THAP1: variants seen among roughly 807,000 people sequenced by gnomAD.
THAP1 encodes THAP domain-containing protein 1.
In THAP1, 6 loss-of-function variants were observed where a neutral mutation model predicts 18.2. That is an observed-to-expected ratio of 0.33 (90% CI 0.18 to 0.65). THAP1 has a LOEUF of 0.65. Ranked by LOEUF, THAP1 falls within the 30% of genes least tolerant of loss-of-function variation. THAP1 has a pLI of 0.74. For synonymous variants in THAP1, 85 were observed against 90.5 expected (o/e 0.94, Z 0.34); for missense variants, 176 against 253.0 (o/e 0.70, Z 2.06).
Position 42,841,446 on chromosome 8 carries a change from G to A in THAP1, c.71+1578C>T, listed in dbSNP as rs115021200. Among the ~76,000 whole-genome samples, 699 of 151,934 alleles carry A rather than the reference G, an allele frequency of 4.6e-3. 8 individuals carry two copies. Among genetic ancestry groups the A allele is most frequent in the African/African-American group, 0.016 (646 of 41,444 alleles). On this transcript the variant is annotated intron_variant, in intron 1 of 2. Coordinates refer to ENST00000254250, the MANE Select transcript of THAP1 (RefSeq NM_018105.3). ...CTCCCAAGTAGCTAAGATTACAGGCGTACGCCTGTATTTTGTATTTTTAGT... is the reference window on the plus strand; with the variant it reads ...CTCCCAAGTAGCTAAGATTACAGGCATACGCCTGTATTTTGTATTTTTAGT...
intron 1 of THAP1, among the ~76,000 whole-genome samples, chr8:42,839,825 G>T (rs1160120542): frequency 1.3e-5 from 2 of 152,150 alleles, no homozygotes; most frequent in African/African-American, 4.8e-5. Flanking sequence ...AATTACATGC[G>T]TGAGCCACTG....
At chr8:42,839,093 C>T (rs1802668862) in intron 2 of THAP1, 93 bp downstream of exon 2, 2 of 1,381,466 alleles carry the variant, frequency 1.4e-6, no homozygotes, top group Non-Finnish European at 1.0e-6. Flanking sequence ...CACATTTATT[C>T]TCTTAACACT....
intron 1 of THAP1, among the ~76,000 whole-genome samples, chr8:42,839,722 C>T (rs1802681744): frequency 1.3e-5 from 2 of 152,108 alleles, no homozygotes; most frequent in Admixed American, 1.3e-4. Context: ...AAGTTTTGTA[C>T]TTTTAGTAGA....
rs1048103263 is a variant in THAP1, at chr8:42,839,312, G to A, written c.141C>T (p.Pro47=). The A allele has an allele frequency of 1.2e-6, 2 of 1,613,930 alleles. No individual in the cohort carries two copies. Among genetic ancestry groups the A allele is most frequent in the Non-Finnish European group, 1.7e-6 (2 of 1,179,996 alleles). ...CTGAACAAATACTGCTATACTTGGT[G>A]GGTTTAAAGTTTTTTCTTCTGACAG... ...EAAVRRKNFK[P]TKYSSICSEH... is the part of the protein sequence containing the mutation. The change falls in exon 2 of 3, where the codon CCC becomes CCT. Residue 47 remains proline, a synonymous_variant. Transcript: ENST00000254250.
rs73675437 is a variant in THAP1 at position 42,837,528 on chromosome 8, T to C, written c.*434A>G. ...TGTATATATATATTCTAAGAAGTTATGTCCCATGATCTGACCCATACTTCT... is the reference window on the plus strand; with the variant it reads ...TGTATATATATATTCTAAGAAGTTACGTCCCATGATCTGACCCATACTTCT... On this transcript the variant is annotated 3_prime_UTR_variant, in exon 3 of 3. Coordinates refer to ENST00000254250, the MANE Select transcript of THAP1 (RefSeq NM_018105.3). 0.029 allele frequency: 4,537 copies of C among 154,488 alleles called. 224 individuals carry two copies. Among genetic ancestry groups the C allele is most frequent in the African/African-American group, 0.1 (4,282 of 41,562 alleles). 9.6% of individuals were successfully genotyped at this position (154,488 alleles called of 1,614,324 possible). A position where few individuals can be genotyped will look rare whatever the true frequency, so the allele number is the denominator to read the frequency against.
chr8:42,838,398 T>C (rs1802655636), intron 2 of THAP1, 62 bp from the exon 3 acceptor site: 2 of 1,597,790 alleles, frequency 1.3e-6, no homozygotes, highest in South Asian at 2.2e-5. Context: ...AAAGAATCTG[T>C]GGACTGACCA....
rs762668469 is a variant in THAP1 at position 42,843,136 on chromosome 8, G to A, written c.-42C>T. 51 of 1,606,576 alleles carry A rather than the reference G, an allele frequency of 3.2e-5. No homozygotes were observed. Among genetic ancestry groups the A allele is most frequent in the Non-Finnish European group, 4.3e-5 (50 of 1,173,592 alleles). ...CACTTCACTTCTGCCGCCGCAGAAG[G>A]CAGGGGAAGCTGTTCTCAGTGTCGC... is the stretch of plus-strand genomic sequence containing the variant. On this transcript the variant is annotated 5_prime_UTR_variant, in exon 1 of 3. Coordinates refer to ENST00000254250, the MANE Select transcript of THAP1 (RefSeq NM_018105.3).
Position 42,837,061 on chromosome 8 carries a change from TATC to T in THAP1, c.*898_*900del, listed in dbSNP as rs1392262737. The T allele has an allele frequency of 3.3e-5, 5 of 152,334 alleles. No homozygotes were observed. Among genetic ancestry groups the T allele is most frequent in the Admixed American group, 6.5e-5 (1 of 15,300 alleles). 9.4% of individuals were successfully genotyped at this position (152,334 alleles called of 1,614,324 possible). ...GTCCCAACTCAGTCAAGTGCAAGAT[TATC>T]ATATGATACAAATCAAACTCTACTA... is the stretch of plus-strand genomic sequence containing the variant. On this transcript the variant is annotated 3_prime_UTR_variant, in exon 3 of 3. Coordinates refer to ENST00000254250, the MANE Select transcript of THAP1 (RefSeq NM_018105.3).
At position 42,843,020 on chromosome 8, in the gene THAP1, T is replaced by G; in HGVS notation, c.71+4A>C. Reference sequence around the variant, plus strand: ...CGGCCCCGCGAGGCGCGCAGGGTCCTCACTTGTGGAAAGAAACGGGCTTGT... The same window carrying G: ...CGGCCCCGCGAGGCGCGCAGGGTCCGCACTTGTGGAAAGAAACGGGCTTGT... On this transcript the variant is annotated splice_donor_region_variant and intron_variant, in intron 1 of 2. Transcript: ENST00000254250. 9 of 1,610,822 alleles carry G rather than the reference T, an allele frequency of 5.6e-6. No individual in the cohort carries two copies. Among genetic ancestry groups the G allele is most frequent in the Non-Finnish European group, 7.6e-6 (9 of 1,178,092 alleles).
rs1802653143 is a variant in THAP1, at chr8:42,838,295, A to G, written c.309T>C (p.Pro103=). ...LLEPQEQLPP[P]PLPPPVSQVD... ...CCTGGGAAACAGGAGGCGGTAAAGG[A>G]GGTGGGGGAAGCTGTTCCTGTGGCT... Residue 103 remains proline (P), a synonymous_variant, in exon 3 of 3, where the codon CCT becomes CCC. Transcript: ENST00000254250. The G allele has an allele frequency of 6.2e-7, 1 of 1,613,922 alleles. No homozygotes were observed. Among genetic ancestry groups the G allele is most frequent in the Non-Finnish European group, 8.5e-7 (1 of 1,179,920 alleles).
intron 1 of THAP1, among the ~76,000 whole-genome samples, chr8:42,841,551 A>G (rs1802718428): frequency 6.6e-6 from 1 of 152,150 alleles, no homozygotes; most frequent in South Asian, 2.1e-4. Flanking sequence ...GGCCTCCCCA[A>G]GTGCTGGGAA....
intron 1 of THAP1, among the ~76,000 whole-genome samples, chr8:42,842,298 C>A (rs1802733659): frequency 6.6e-6 from 1 of 152,192 alleles, no homozygotes; most frequent in East Asian, 1.9e-4. Context: ...TATCACTTAA[C>A]TGTGCTACCT....
intron 1 of THAP1, among the ~76,000 whole-genome samples, chr8:42,840,261 A>G (rs932151116): frequency 6.6e-6 from 1 of 152,230 alleles, no homozygotes; most frequent in South Asian, 2.1e-4. Flanking sequence ...CAGAGAGACA[A>G]AGATTGCACA....
chr8:42,842,390 TAA>T (rs1802736114), intron 1 of THAP1: 7 of 152,298 alleles, frequency 4.6e-5, no homozygotes, highest in African/African-American at 1.7e-4. Context: ...CCATAATAAA[TAA>T]AGATCCGTGT....
chr8:42,842,170 T>TA lies in THAP1; in HGVS notation c.71+853dup, dbSNP rs1254403520. On this transcript the variant is annotated intron_variant, in intron 1 of 2. Transcript: ENST00000254250. ...AAAGAAAACTTAACATAAATGTAATTAAAATTTGTAAACAAATTCAGCTGA... is the reference window on the plus strand; with the variant it reads ...AAAGAAAACTTAACATAAATGTAATTAAAAATTTGTAAACAAATTCAGCTGA... Among the ~76,000 whole-genome samples the TA allele has an allele frequency of 2.0e-5, 3 of 152,336 alleles. No individual in the cohort carries two copies. The East Asian group carries it at 5.8e-4, about 29-fold the overall frequency.
rs755416189 is a variant in THAP1, at chr8:42,838,340, A to T, written c.268-4T>A. The T allele has an allele frequency of 2.2e-5, 35 of 1,613,294 alleles. No individual in the cohort carries two copies. In the East Asian group the frequency reaches 7.6e-4, roughly 35 times the overall value. On this transcript the variant is annotated splice_polypyrimidine_tract_variant and splice_region_variant and intron_variant, in intron 2 of 2. Transcript: ENST00000254250. ...GTGGCTCCAGAAGATCTTCTTTCTA[A>T]AACAAAAATACAAAGTATGTTTGAA...
At chr8:42,841,066 C>T (rs1410459150) in intron 1 of THAP1, among the ~76,000 whole-genome samples, 1 of 151,496 alleles carries the variant, frequency 6.6e-6, no homozygotes, top group Non-Finnish European at 1.5e-5. Context: ...GTACCTATGG[C>T]CTCCTGGCTC....
chr8:42,837,879 AT>A lies in THAP1; in HGVS notation c.*82del, dbSNP rs1802644621. The A allele has an allele frequency of 1.4e-6, 2 of 1,479,386 alleles. No individual in the cohort carries two copies. The highest frequency in any genetic ancestry group is 2.3e-5 in the East Asian group (1 of 43,940). The allele number at this position is 1,479,386 out of a possible 1,614,324, so 91.6% of individuals were successfully genotyped here. A position where few individuals can be genotyped will look rare whatever the true frequency, so the allele number is the denominator to read the frequency against. ...GTTTTTATATAAGTAATCAAATGTT[AT>A]TTTTTTAAATGAAACTCCTTTACAG... On this transcript the variant is annotated 3_prime_UTR_variant, in exon 3 of 3. Transcript: ENST00000254250.
intron 1 of THAP1, 34 bp from the exon 2 acceptor site, chr8:42,839,415 G>C (rs765509619): frequency 4.3e-6 from 7 of 1,611,192 alleles, no homozygotes; most frequent in South Asian, 2.2e-5. Context: ...TATCTGTCCT[G>C]ATTTTTTAAA....
Sources: allele counts gnomAD v4.1 joint callset (sites outside exome capture counted in the v4.1 genomes callset), GRCh38; gene constraint gnomAD v4.1.1; transcripts MANE v1.5; gene names NCBI Gene and HGNC (gene_info 2026-07-23, HGNC 2026-07-21).